STK10: variants seen among roughly 807,000 people sequenced by gnomAD.
STK10 encodes serine/threonine kinase 10, also known as serine/threonine-protein kinase 10.
STK10 carries 78 observed loss-of-function variants against 113.8 expected under a neutral mutation model. The observed-to-expected ratio is 0.69, with a 90% CI of 0.57 to 0.83. The LOEUF (loss-of-function observed/expected upper bound fraction) is 0.83. Among genes scored for constraint, STK10 ranks in the 40% least tolerant of loss-of-function variants. STK10 has a pLI of 0.00. For synonymous variants in STK10, 465 were observed against 494.7 expected (o/e 0.94, Z 0.80); for missense variants, 1,109 against 1,280.1 (o/e 0.87, Z 2.04).
intron 12 of STK10, among the ~76,000 whole-genome samples, chr5:172,071,212 CAAAAAAAAAAAAA>C (rs369407918): frequency 0.12 from 3,178 of 26,572 alleles, 201 homozygotes; most frequent in African/African-American, 0.31. Context: ...CTCTCTATCT[CAAAAAAAAAAAAA>C]AAAAAAAAAA....
At chr5:172,076,501 G>GTTGTGGGGGCGTCCTGTGCGTTAA in intron 12 of STK10, among the ~76,000 whole-genome samples, 2 of 151,252 alleles carry the variant, frequency 1.3e-5, no homozygotes, top group African/African-American at 4.9e-5. Flanking sequence ...CTGTGCGTTA[G>GTTGTGGGGGCGTCCTGTGCGTTAA]TTGTGGGGGC....
At chr5:172,171,016 A>G (rs951940634) in intron 1 of STK10, among the ~76,000 whole-genome samples, 1 of 152,194 alleles carries the variant, frequency 6.6e-6, no homozygotes, top group Non-Finnish European at 1.5e-5. Flanking sequence ...CACTCATTTA[A>G]TCTTCACCAC....
rs56364703 is a variant in STK10, at chr5:172,158,393, G to A, written c.157-1605C>T. Among the ~76,000 whole-genome samples the A allele has an allele frequency of 1.3e-3, 194 of 152,018 alleles. 1 individual carries two copies. Among genetic ancestry groups the A allele is most frequent in the African/African-American group, 4.4e-3 (182 of 41,432 alleles). ...AATAGATGAAGAATATTTGGGAGGC[G>A]GAGGCAGGCAGATCACTTGAGGTCA... On this transcript the variant is annotated intron_variant, in intron 1 of 18. Coordinates refer to ENST00000176763, the MANE Select transcript of STK10 (RefSeq NM_005990.4).
chr5:172,103,482 G>A (rs111974952), intron 7 of STK10, among the ~76,000 whole-genome samples: 77 of 152,222 alleles, frequency 5.1e-4, no homozygotes, highest in Middle Eastern at 3.4e-3. Context: ...TGGTCTCTCC[G>A]TGGAATGTCC....
At chr5:172,162,603 C>G (rs942432855) in intron 1 of STK10, among the ~76,000 whole-genome samples, 3 of 152,188 alleles carry the variant, frequency 2.0e-5, no homozygotes, top group Non-Finnish European at 4.4e-5. Flanking sequence ...TTCCTCCTCT[C>G]CAAACCCAGA....
chr5:172,086,868 CAGG>C (rs1768574044), intron 10 of STK10, among the ~76,000 whole-genome samples: 1 of 152,196 alleles, frequency 6.6e-6, no homozygotes, highest in Non-Finnish European at 1.5e-5. Flanking sequence ...CTGCTCTGCT[CAGG>C]AGGAGGGTGG....
intron 1 of STK10, among the ~76,000 whole-genome samples, chr5:172,159,894 T>C (rs529477799): frequency 2.6e-5 from 4 of 152,116 alleles, no homozygotes; most frequent in African/African-American, 9.7e-5. Context: ...TCCCAGCACT[T>C]TGGGAGGCCA....
In STK10 at chr5:172,133,108, C is replaced by T. The variant is rs568032231; in HGVS notation, c.322-5687G>A. 2.3e-3 allele frequency among the ~76,000 whole-genome samples: 352 copies of T among 152,168 alleles called. No homozygotes were observed. Among genetic ancestry groups the T allele is most frequent in the African/African-American group, 8.1e-3 (336 of 41,512 alleles). ...TAATGGCGGAGCATTCCATGGGGTT[C>T]CAAAGGATGGGAATCCAGCAGGCTG... On this transcript the variant is annotated intron_variant, in intron 2 of 18. Coordinates refer to ENST00000176763, the MANE Select transcript of STK10 (RefSeq NM_005990.4). This position sits in a 1 kb window ranked among gnomAD's most constrained non-coding sequence, Gnocchi z 4.9.
At chr5:172,106,420 G>GAAAA (rs1416660493) in intron 6 of STK10, among the ~76,000 whole-genome samples, 200 bp downstream of exon 6, 2 of 45,398 alleles carry the variant, frequency 4.4e-5, no homozygotes, top group Admixed American at 2.5e-4. Flanking sequence ...AAAAAAAAAG[G>GAAAA]AACACAAAGG....
chr5:172,185,546 C>T (rs1370395708), intron 1 of STK10, among the ~76,000 whole-genome samples: 4 of 152,166 alleles, frequency 2.6e-5, no homozygotes, highest in Admixed American at 6.5e-5. Flanking sequence ...GGATTACAGG[C>T]GTGAGCCACC....
intron 3 of STK10, among the ~76,000 whole-genome samples, chr5:172,121,710 C>CTAAATAAA (rs548605209): frequency 0.026 from 3,961 of 151,668 alleles, 187 homozygotes; most frequent in African/African-American, 0.091. Context: ...AACTCTGTCT[C>CTAAATAAA]TAAATAAATA....
At chr5:172,066,118 C>T (rs1022665923) in intron 12 of STK10, among the ~76,000 whole-genome samples, 2 of 152,060 alleles carry the variant, frequency 1.3e-5, no homozygotes, top group Non-Finnish European at 2.9e-5. Flanking sequence ...GGGAAAGGCC[C>T]GCCTGTGATC....
chr5:172,089,739 CAGTGGATG>C (rs913172668), intron 10 of STK10, among the ~76,000 whole-genome samples: 1 of 149,056 alleles, frequency 6.7e-6, no homozygotes, highest in Non-Finnish European at 1.5e-5. Context: ...GTAGATGAAT[CAGTGGATG>C]AGTGGATGAA....
intron 4 of STK10, chr5:172,114,473 A>ATATATATATATATATATATTT (rs1226289994): frequency 2.1e-5 from 1 of 47,542 alleles, no homozygotes; most frequent in African/African-American, 1.4e-4. Context: ...ATATATATAT[A>ATATATATATATATATATATTT]TTTTTTTTTT....
intron 7 of STK10, among the ~76,000 whole-genome samples, chr5:172,104,852 T>C (rs1162772892): frequency 6.6e-6 from 1 of 151,870 alleles, no homozygotes. Flanking sequence ...AGGCAGGGGG[T>C]GCTTATGTGA....
chr5:172,155,763 G>C (rs1450961783), intron 2 of STK10, among the ~76,000 whole-genome samples: 2 of 152,062 alleles, frequency 1.3e-5, no homozygotes, highest in Non-Finnish European at 2.9e-5. Flanking sequence ...GGGAGGCCAA[G>C]GCCAGCGGAT....
intron 2 of STK10, among the ~76,000 whole-genome samples, chr5:172,151,331 CTTTTTT>C (rs930337797): frequency 1.3e-5 from 2 of 151,584 alleles, no homozygotes; most frequent in Non-Finnish European, 1.5e-5. Context: ...TTGCGTTTTT[CTTTTTT>C]TTCTTTTTCT....
intron 2 of STK10, among the ~76,000 whole-genome samples, chr5:172,148,238 G>A (rs1770126194): frequency 6.6e-6 from 1 of 152,168 alleles, no homozygotes; most frequent in South Asian, 2.1e-4. Context: ...GCAGGACAGG[G>A]TGCAGGCAGA....
chr5:172,053,437 G>GTAT (rs5873296), intron 17 of STK10, among the ~76,000 whole-genome samples: 100,886 of 151,842 alleles, frequency 0.66, 34,513 homozygotes, highest in African/African-American at 0.82. Flanking sequence ...AAGCATCATG[G>GTAT]TTTGTTATGG....
Sources: gnomAD v4.1 joint callset for allele counts (sites outside exome capture counted in the v4.1 genomes callset) on GRCh38, gnomAD v4.1.1 for gene constraint, Gnocchi (gnomAD v3.1) non-coding constraint, MANE v1.5 for transcripts, NCBI Gene and HGNC (gene_info 2026-07-23, HGNC 2026-07-21) for gene names.